Variants in KCNH7 observed in about 807,000 individuals in gnomAD.
KCNH7 encodes the protein potassium voltage-gated channel subfamily H member 7.
Under a neutral mutation model 120.8 loss-of-function variants are expected in KCNH7, and 49 were observed. The ratio of observed to expected loss-of-function variants is 0.41; its 90% CI spans 0.32 to 0.51. The LOEUF (loss-of-function observed/expected upper bound fraction) is 0.51, where lower values mean the gene tolerates loss of function less well. KCNH7 is among the 20% of genes least tolerant of loss of function. The probability of loss-of-function intolerance (pLI) is 0.38; values close to 1 mark genes in which losing one functional copy is unlikely to be tolerated. For synonymous variants in KCNH7, 547 were observed against 516.1 expected (o/e 1.06, Z -0.81); for missense variants, 1,097 against 1,446.6 (o/e 0.76, Z 3.92).
At chr2:162,807,282 A>AAAAAAAAAAAC (rs1684583016) in intron 2 of KCNH7, among the ~76,000 whole-genome samples, 1 of 149,382 alleles carries the variant, frequency 6.7e-6, no homozygotes, top group African/African-American at 2.5e-5. Context: ...AAAAAAAAAA[A>AAAAAAAAAAAC]ACAAATTAGC....
Position 162,456,435 on chromosome 2 carries a change from C to T in KCNH7, c.1129-9992G>A, listed in dbSNP as rs934802725. The stretch of plus-strand genomic sequence containing the variant: ...AGTGTTTTACTTGCAATTATGTGGT[C>T]GATTTTAGAATAAGTGTCATGTGGC... On this transcript the variant is annotated intron_variant, in intron 6 of 15. Transcript: ENST00000332142. Among the ~76,000 whole-genome samples the T allele has an allele frequency of 5.9e-5, 9 of 151,788 alleles. No homozygotes were observed. In the East Asian group the frequency reaches 7.7e-4, roughly 13 times the overall value.
intron 2 of KCNH7, among the ~76,000 whole-genome samples, chr2:162,787,117 C>A (rs753378236): frequency 1.3e-5 from 2 of 152,022 alleles, no homozygotes; most frequent in African/African-American, 2.4e-5. Context: ...CTAGGCCCTG[C>A]AGACCCAAGC....
chr2:162,534,373 T>C (rs1220135919), intron 3 of KCNH7, among the ~76,000 whole-genome samples: 2 of 151,326 alleles, frequency 1.3e-5, no homozygotes, highest in African/African-American at 2.4e-5. Flanking sequence ...TAATCAACAA[T>C]TTTAAATGGA....
intron 2 of KCNH7, among the ~76,000 whole-genome samples, chr2:162,738,501 T>A (rs1371462211): frequency 2.0e-5 from 3 of 152,198 alleles, no homozygotes. Context: ...GACAGAGGCT[T>A]TCAGACTCAG....
rs16846682 is a variant in KCNH7 at position 162,420,798 on chromosome 2, C to A, written c.2154+2538G>T. Among the ~76,000 whole-genome samples the A allele has an allele frequency of 4.2e-3, 635 of 152,174 alleles. 2 individuals carry two copies. The highest frequency in any genetic ancestry group is 0.014 in the African/African-American group (601 of 41,530). On this transcript the variant is annotated intron_variant, in intron 9 of 15. Transcript: ENST00000332142. ...GTTATACGTAAAATATCATGGAATG[C>A]TGATGCGAAATACAAGTTTAATATG...
intron 2 of KCNH7, among the ~76,000 whole-genome samples, chr2:162,566,724 T>C (rs970288579): frequency 2.6e-5 from 4 of 152,062 alleles, no homozygotes; most frequent in Non-Finnish European, 5.9e-5. Context: ...GCTTCCATTC[T>C]GACATTCTGA....
At chr2:162,680,491 T>C (rs1160124511) in intron 2 of KCNH7, among the ~76,000 whole-genome samples, 1 of 151,742 alleles carries the variant, frequency 6.6e-6, no homozygotes, top group Non-Finnish European at 1.5e-5. Flanking sequence ...CTACAAAATG[T>C]ATATGTAAAT....
chr2:162,696,068 G>A (rs903978454), intron 2 of KCNH7, among the ~76,000 whole-genome samples: 1 of 152,154 alleles, frequency 6.6e-6, no homozygotes, highest in Non-Finnish European at 1.5e-5. Flanking sequence ...CTTCAGATAA[G>A]TTAAATGACT....
At chr2:162,596,519 T>C (rs142721761) in intron 2 of KCNH7, among the ~76,000 whole-genome samples, 123 of 152,070 alleles carry the variant, frequency 8.1e-4, no homozygotes, top group African/African-American at 2.9e-3. Context: ...AATAATGAAA[T>C]TGGACCACTA....
chr2:162,423,242 A>C (rs1408323314), intron 9 of KCNH7, 94 bp downstream of exon 9: 4 of 1,602,240 alleles, frequency 2.5e-6, no homozygotes, highest in Non-Finnish European at 3.4e-6. Flanking sequence ...AACAAAAGCA[A>C]GGGGTTCAAA....
At chr2:162,668,535 A>T (rs1411887427) in intron 2 of KCNH7, among the ~76,000 whole-genome samples, 1 of 152,208 alleles carries the variant, frequency 6.6e-6, no homozygotes, top group Non-Finnish European at 1.5e-5. Context: ...TGCCAAATAC[A>T]GAACAAAAGT....
intron 9 of KCNH7, among the ~76,000 whole-genome samples, chr2:162,410,876 A>C (rs373573325): frequency 6.6e-6 from 1 of 152,152 alleles, no homozygotes; most frequent in South Asian, 2.1e-4. Flanking sequence ...TATCAGAGAA[A>C]TGCAAATCAC....
intron 2 of KCNH7, among the ~76,000 whole-genome samples, chr2:162,822,170 A>G (rs912303975): frequency 1.5e-5 from 2 of 134,814 alleles, no homozygotes; most frequent in Non-Finnish European, 1.7e-5. Flanking sequence ...ATGATGTAAA[A>G]ATTTGTTTTA....
chr2:162,766,169 ATGTGTGTGTGTGTTT>A (rs1156903606), intron 2 of KCNH7, among the ~76,000 whole-genome samples: 7 of 151,908 alleles, frequency 4.6e-5, no homozygotes, highest in African/African-American at 7.3e-5. Context: ...TTCTTTTTAA[ATGTGTGTGTGTGTTT>A]TGTGTGTGTG....
chr2:162,803,847 G>T (rs1192660148), intron 2 of KCNH7, among the ~76,000 whole-genome samples: 1 of 151,458 alleles, frequency 6.6e-6, no homozygotes, highest in East Asian at 1.9e-4. Flanking sequence ...TTTACTTACA[G>T]GATCTGTGGA....
intron 2 of KCNH7, among the ~76,000 whole-genome samples, chr2:162,711,867 CCAAA>C (rs1421693147): frequency 2.6e-5 from 4 of 151,714 alleles, no homozygotes; most frequent in Non-Finnish European, 5.9e-5. Flanking sequence ...GGGAAGGGGC[CCAAA>C]CAGACAAAAC....
chr2:162,449,026 G>A (rs1688676028), intron 6 of KCNH7, among the ~76,000 whole-genome samples: 2 of 151,962 alleles, frequency 1.3e-5, no homozygotes, highest in Admixed American at 1.3e-4. Context: ...GAGGAAGTTG[G>A]GAAGGGAAGG....
chr2:162,764,830 T>C lies in KCNH7; in HGVS notation c.307+71707A>G, dbSNP rs143901598. Among the ~76,000 whole-genome samples, 433 of 152,284 alleles carry C rather than the reference T, an allele frequency of 2.8e-3. 1 individual carries two copies. Among genetic ancestry groups the C allele is most frequent in the Non-Finnish European group, 5.1e-3 (348 of 68,014 alleles). On this transcript the variant is annotated intron_variant, in intron 2 of 15. Transcript: ENST00000332142. Reference sequence around the variant, plus strand: ...TATTTTAGTATGTTATGAAGCATCATACATACATTTACTCTAGCCAAAATA... The same window carrying C: ...TATTTTAGTATGTTATGAAGCATCACACATACATTTACTCTAGCCAAAATA...
intron 2 of KCNH7, among the ~76,000 whole-genome samples, chr2:162,631,039 A>T (rs1379281454): frequency 2.0e-5 from 3 of 152,144 alleles, no homozygotes; most frequent in Non-Finnish European, 4.4e-5. Context: ...CTACTAGGTT[A>T]GTGTCAACTG....
Sources: gnomAD v4.1 joint callset for allele counts (sites outside exome capture counted in the v4.1 genomes callset) on GRCh38, gnomAD v4.1.1 for gene constraint, MANE v1.5 for transcripts, NCBI Gene and HGNC (gene_info 2026-07-23, HGNC 2026-07-21) for gene names.